Variants in CLCN3 observed in about 807,000 individuals in gnomAD.
CLCN3 encodes the protein H(+)/Cl(-) exchange transporter 3.
Under a neutral mutation model 83.4 loss-of-function variants are expected in CLCN3, and 16 were observed. The ratio of observed to expected loss-of-function variants is 0.19; its 90% CI spans 0.13 to 0.29. The LOEUF is 0.29. CLCN3 is among the 10% of genes least tolerant of loss of function. The pLI is 1.00. For synonymous variants in CLCN3, 322 were observed against 346.2 expected, an observed-to-expected ratio of 0.93 and a Z score of 0.78; for missense variants, 544 against 1,006.0, an observed-to-expected ratio of 0.54 and a Z score of 6.21.
chr4:169,625,909 C>T (rs1773222394), intron 1 of CLCN3, among the ~76,000 whole-genome samples: 1 of 152,154 alleles, frequency 6.6e-6, no homozygotes, highest in Non-Finnish European at 1.5e-5. Context: ...GGTTTCTCCC[C>T]CCACAGCAAC....
At chr4:169,643,138 A>T (rs1396849853) in intron 2 of CLCN3, 1 of 152,224 alleles carries the variant, frequency 6.6e-6, no homozygotes, top group African/African-American at 2.4e-5. Flanking sequence ...AACCCAGCTG[A>T]ATGTAAGACT....
chr4:169,631,034 A>G (rs1773356385), intron 1 of CLCN3, among the ~76,000 whole-genome samples: 1 of 152,174 alleles, frequency 6.6e-6, no homozygotes, highest in African/African-American at 2.4e-5. Context: ...TAAATCTCCA[A>G]ACTGCTTTCC....
chr4:169,705,292 G>C (rs1210097423), intron 10 of CLCN3, among the ~76,000 whole-genome samples: 1 of 152,184 alleles, frequency 6.6e-6, no homozygotes, highest in African/African-American at 2.4e-5. Context: ...ATTGACTCTA[G>C]AGAGTATATT....
At chr4:169,673,660 G>T (rs2150231883) in intron 2 of CLCN3, among the ~76,000 whole-genome samples, 1 of 152,036 alleles carries the variant, frequency 6.6e-6, no homozygotes, top group African/African-American at 2.4e-5. Flanking sequence ...AATGAAGTTT[G>T]CAAAATATTT....
chr4:169,630,135 T>C (rs1773332758), intron 1 of CLCN3, among the ~76,000 whole-genome samples: 1 of 152,224 alleles, frequency 6.6e-6, no homozygotes, highest in African/African-American at 2.4e-5. Flanking sequence ...TAATTCTTTT[T>C]TATTTTTACA....
At chr4:169,672,799 GA>G (rs1467831818) in intron 2 of CLCN3, among the ~76,000 whole-genome samples, 4 of 152,088 alleles carry the variant, frequency 2.6e-5, no homozygotes, top group Non-Finnish European at 1.5e-5. Flanking sequence ...GAATAGCTGG[GA>G]TTACAGGCAC....
chr4:169,696,733 C>T (rs1170571505), intron 8 of CLCN3, among the ~76,000 whole-genome samples: 1 of 151,746 alleles, frequency 6.6e-6, no homozygotes, highest in African/African-American at 2.4e-5. Flanking sequence ...AACCCCTATT[C>T]TACTCTCTAC....
At chr4:169,640,693 G>C (rs1398797947) in intron 2 of CLCN3, among the ~76,000 whole-genome samples, 1 of 152,150 alleles carries the variant, frequency 6.6e-6, no homozygotes, top group African/African-American at 2.4e-5. Flanking sequence ...TGCCAGAGTT[G>C]TATTCATTAA....
At chr4:169,653,820 C>G (rs1730806244) in intron 2 of CLCN3, among the ~76,000 whole-genome samples, 1 of 151,944 alleles carries the variant, frequency 6.6e-6, no homozygotes, top group Admixed American at 6.6e-5. Context: ...ATGCCAGGCT[C>G]CTTTAAACAA....
Position 169,721,068 on chromosome 4 carries a change from T to A in CLCN3, c.*1071T>A, listed in dbSNP as rs1278735840. On this transcript the variant is annotated 3_prime_UTR_variant, in exon 13 of 13. Transcript: ENST00000513761. ...TGGAATTTTTAAAATTGAAATTAGA[T>A]CAGTCATTCTTTTCTTTTCTCAAGA... 1 of 152,360 alleles carries A rather than the reference T, an allele frequency of 6.6e-6. No individual in the cohort carries two copies. Among genetic ancestry groups the A allele is most frequent in the Non-Finnish European group, 1.5e-5 (1 of 68,048 alleles). 9.4% of individuals were successfully genotyped at this position (152,360 alleles called of 1,614,324 possible).
At chr4:169,715,340 C>T (rs571323558) in intron 12 of CLCN3, among the ~76,000 whole-genome samples, 2 of 152,146 alleles carry the variant, frequency 1.3e-5, no homozygotes, top group Non-Finnish European at 2.9e-5. Context: ...GGACTTTCTT[C>T]TAAGGGAATA....
At chr4:169,703,681 T>C (rs1378065767) in intron 9 of CLCN3, among the ~76,000 whole-genome samples, 1 of 151,716 alleles carries the variant, frequency 6.6e-6, no homozygotes, top group Non-Finnish European at 1.5e-5. Flanking sequence ...TTTTCTTTTT[T>C]TTTTTTCATT....
chr4:169,682,646 C>T (rs556804623), intron 3 of CLCN3, among the ~76,000 whole-genome samples: 2 of 152,288 alleles, frequency 1.3e-5, no homozygotes, highest in South Asian at 4.1e-4. Context: ...GTTCTTATTT[C>T]ATCACACAAA....
intron 2 of CLCN3, among the ~76,000 whole-genome samples, chr4:169,659,149 TTTG>T (rs897055656): frequency 4.6e-5 from 7 of 151,992 alleles, no homozygotes; most frequent in South Asian, 2.1e-4. Flanking sequence ...AACAACACCT[TTTG>T]TTGTTGTTGT....
intron 12 of CLCN3, among the ~76,000 whole-genome samples, chr4:169,718,532 G>A (rs760126451): frequency 6.6e-6 from 1 of 152,122 alleles, no homozygotes; most frequent in Non-Finnish European, 1.5e-5. Flanking sequence ...TTTGTATGAT[G>A]TTTCTGGAAC....
In CLCN3 at chr4:169,722,917, T is replaced by C. The variant is rs992184365; in HGVS notation, c.*2920T>C. 1 of 152,186 alleles carries C rather than the reference T, an allele frequency of 6.6e-6. No individual in the cohort carries two copies. Among genetic ancestry groups the C allele is most frequent in the African/African-American group, 2.4e-5 (1 of 41,438 alleles). The allele number at this position is 152,186 out of a possible 1,614,324, so 9.4% of individuals were successfully genotyped here. A position where few individuals can be genotyped will look rare whatever the true frequency, so the allele number is the denominator to read the frequency against. On this transcript the variant is annotated 3_prime_UTR_variant, in exon 13 of 13. Coordinates refer to ENST00000513761, the MANE Select transcript of CLCN3 (RefSeq NM_001829.4). Reference sequence around the variant, plus strand: ...GTGCCTGGCTAATTGGCAAATTAATTTACCAATATAATAAGTGTAGCGCCT... The same window carrying C: ...GTGCCTGGCTAATTGGCAAATTAATCTACCAATATAATAAGTGTAGCGCCT...
intron 2 of CLCN3, among the ~76,000 whole-genome samples, chr4:169,679,141 G>T (rs569470835): frequency 6.6e-5 from 10 of 150,940 alleles, no homozygotes; most frequent in African/African-American, 2.5e-4. Context: ...AGATGGGGTC[G>T]CGGCTGGGCA....
At chr4:169,641,211 C>T (rs1244538188) in intron 2 of CLCN3, among the ~76,000 whole-genome samples, 1 of 152,132 alleles carries the variant, frequency 6.6e-6, no homozygotes, top group Non-Finnish European at 1.5e-5. Context: ...GCTATGATCG[C>T]ACCTGTGAAT....
chr4:169,650,963 G>A (rs1730715216), intron 2 of CLCN3, among the ~76,000 whole-genome samples: 1 of 152,120 alleles, frequency 6.6e-6, no homozygotes, highest in Non-Finnish European at 1.5e-5. Flanking sequence ...AATTCAGGAT[G>A]TTACTAATGA....
Sources: allele counts gnomAD v4.1 joint callset (sites outside exome capture counted in the v4.1 genomes callset), GRCh38; gene constraint gnomAD v4.1.1; transcripts MANE v1.5; gene names NCBI Gene and HGNC (gene_info 2026-07-23, HGNC 2026-07-21).